PRKDC: variants seen among roughly 807,000 people sequenced by gnomAD.
PRKDC encodes protein kinase, DNA-activated, catalytic subunit, also known as DNA-dependent protein kinase catalytic subunit.
PRKDC carries 82 observed loss-of-function variants against 486.9 expected under a neutral mutation model. That is an observed-to-expected ratio of 0.17 (90% confidence interval 0.14 to 0.20). The LOEUF (loss-of-function observed/expected upper bound fraction) is 0.20, where lower values mean the gene tolerates loss of function less well. PRKDC is among the 10% of genes least tolerant of loss of function. The probability of loss-of-function intolerance (pLI) is 1.00; values close to 1 mark genes in which losing one functional copy is unlikely to be tolerated. For missense variants in PRKDC, 4,504 were observed against 5,038.2 expected, an observed-to-expected ratio of 0.89 and a Z score of 3.21; for synonymous variants, 1,895 against 1,837.0, an observed-to-expected ratio of 1.03 and a Z score of -0.81.
intron 58 of PRKDC, among the ~76,000 whole-genome samples, chr8:47,834,819 T>C (rs1269246667): frequency 1.3e-5 from 2 of 151,018 alleles, no homozygotes; most frequent in African/African-American, 4.9e-5. Flanking sequence ...GCCTCCCGAG[T>C]AGCTGGGACT....
At chr8:47,857,096 G>A in intron 49 of PRKDC, 60 bp downstream of exon 49, 5 of 1,528,256 alleles carry the variant, frequency 3.3e-6, no homozygotes, top group Non-Finnish European at 4.4e-6. Flanking sequence ...ATGTGTCATA[G>A]GCTCTATAGG....
Position 47,776,913 on chromosome 8 carries a change from C to G in PRKDC, c.12113G>C (p.Trp4038Ser). ...GTAACATATTTTCTGTCGGGGGTACCAATTTTTTTCAGCAACATTTATTTC... is the reference window on the plus strand; with the variant it reads ...GTAACATATTTTCTGTCGGGGGTACGAATTTTTTTCAGCAACATTTATTTC... ...IQEINVAEKNWYPRQKICYAK... is the reference protein window; with the variant it reads ...IQEINVAEKNSYPRQKICYAK... Residue 4038 changes from tryptophan (W) to serine (S), a missense_variant, in exon 85 of 86, where the codon TGG (tryptophan) becomes TCG (serine). This residue lies in a region of PRKDC where 706 missense variants were observed against 945.0 expected (regional missense o/e 0.75). Coordinates refer to ENST00000314191, the MANE Select transcript of PRKDC (RefSeq NM_006904.7). The G allele has an allele frequency of 6.2e-7, 1 of 1,613,836 alleles. No homozygotes were observed. The highest frequency in any genetic ancestry group is 2.2e-5 in the East Asian group (1 of 44,874).
intron 28 of PRKDC, among the ~76,000 whole-genome samples, chr8:47,899,414 G>A (rs2089639871): frequency 6.6e-6 from 1 of 152,296 alleles, no homozygotes; most frequent in Middle Eastern, 3.4e-3. Context: ...GGGAGGCTGA[G>A]GCAGGTGGAT....
At chr8:47,830,566 T>G in intron 61 of PRKDC, 39 bp downstream of exon 61, 1 of 1,605,570 alleles carries the variant, frequency 6.2e-7, no homozygotes, top group Non-Finnish European at 8.5e-7. Context: ...GGAAACAGAT[T>G]TTAACCTGTC....
chr8:47,830,701 G>A lies in PRKDC; in HGVS notation c.8301C>T (p.Ala2767=). Residue 2767 remains alanine (A), a synonymous_variant, in exon 61 of 86, where the codon GCC becomes GCT. Transcript: ENST00000314191. The stretch of plus-strand genomic sequence containing the variant: ...GGTAGCTTCTGTACAGAACGACCTG[G>A]GCATCCTGCTTCATTTTTAACTCAC... ...IKSELKMKQD[A]QVVLYRSYRH... is the part of the protein sequence containing the mutation. 1 of 1,613,824 alleles carries A rather than the reference G, an allele frequency of 6.2e-7. No individual in the cohort carries two copies. Among genetic ancestry groups the A allele is most frequent in the Non-Finnish European group, 8.5e-7 (1 of 1,179,884 alleles).
intron 83 of PRKDC, 115 bp from the exon 84 acceptor site, chr8:47,777,989 T>A: frequency 1.0e-6 from 1 of 984,610 alleles, no homozygotes; most frequent in Non-Finnish European, 1.5e-6. Context: ...AAATACAGAC[T>A]CTGCTTCCCT....
intron 31 of PRKDC, 89 bp downstream of exon 31, chr8:47,893,050 A>G: frequency 7.0e-7 from 1 of 1,428,208 alleles, no homozygotes; most frequent in Non-Finnish European, 9.3e-7. Context: ...ACCTACCATC[A>G]TGTCGCTGGG....
Position 47,777,753 on chromosome 8 carries a change from C to T in PRKDC, c.11975G>A (p.Arg3992His). ...SIMVHALRAFRSDPGLLTNTM... is the reference protein window; with the variant it reads ...SIMVHALRAFHSDPGLLTNTM... ...GTTGGTGAGCAGGCCAGGGTCTGAG[C>T]GGAAGGCCCGGAGTGCGTGTACCAT... Residue 3992 changes from arginine to histidine, a missense_variant, in exon 84 of 86, where the codon CGC (arginine) becomes CAC (histidine). Arg to His is a conservative substitution (Grantham distance 29, BLOSUM62 0). Around this residue, in one of 6 missense-constraint regions of PRKDC, gnomAD observed 706 missense variants for 945.0 expected, o/e 0.75. Transcript: ENST00000314191. 5 of 1,613,650 alleles carry T rather than the reference C, an allele frequency of 3.1e-6. No individual in the cohort carries two copies. Among genetic ancestry groups the T allele is most frequent in the Non-Finnish European group, 3.4e-6 (4 of 1,179,670 alleles).
chr8:47,912,328 AT>A, intron 25 of PRKDC, 81 bp downstream of exon 25: 1 of 1,380,250 alleles, frequency 7.2e-7, no homozygotes, highest in Non-Finnish European at 9.5e-7. Context: ...TCTCCAGGTA[AT>A]TCCACTGCTC....
chr8:47,930,233 G>C (rs562211755), intron 17 of PRKDC, among the ~76,000 whole-genome samples: 24 of 152,134 alleles, frequency 1.6e-4, no homozygotes, highest in Non-Finnish European at 2.8e-4. Flanking sequence ...ATATTTTAAA[G>C]ATCTATATAA....
chr8:47,776,619 G>A (rs1158369321), intron 85 of PRKDC, among the ~76,000 whole-genome samples: 1 of 152,218 alleles, frequency 6.6e-6, no homozygotes, highest in Non-Finnish European at 1.5e-5. Context: ...CAGGGACTGA[G>A]TTTAAACCTG....
chr8:47,959,520 T>C (rs952657237), intron 1 of PRKDC, among the ~76,000 whole-genome samples: 1 of 151,310 alleles, frequency 6.6e-6, no homozygotes, highest in Non-Finnish European at 1.5e-5. Context: ...CTACTAAAAA[T>C]ACAAAAAAAT....
Position 47,857,149 on chromosome 8 carries a change from T to G in PRKDC, c.6609+7A>C, listed in dbSNP as rs368228297. The G allele has an allele frequency of 1.2e-5, 19 of 1,612,420 alleles. No homozygotes were observed. Among genetic ancestry groups the G allele is most frequent in the Non-Finnish European group, 1.6e-5 (19 of 1,179,288 alleles). On this transcript the variant is annotated splice_region_variant and intron_variant, in intron 49 of 85. Coordinates refer to ENST00000314191, the MANE Select transcript of PRKDC (RefSeq NM_006904.7). ...TATATTAACATAAAAGATGCATCAATCCTTACTGTTGGAGTGGCCAAGCCT... is the reference window on the plus strand; with the variant it reads ...TATATTAACATAAAAGATGCATCAAGCCTTACTGTTGGAGTGGCCAAGCCT...
chr8:47,881,287 A>T, intron 38 of PRKDC, 129 bp downstream of exon 38: 1 of 620,854 alleles, frequency 1.6e-6, no homozygotes, highest in Non-Finnish European at 2.9e-6. Context: ...ACGGGGGATT[A>T]CTGTGCTAGT....
At chr8:47,860,815 T>C (rs2088660775) in intron 45 of PRKDC, 84 bp downstream of exon 45, 3 of 993,094 alleles carry the variant, frequency 3.0e-6, no homozygotes, top group Non-Finnish European at 4.4e-6. Flanking sequence ...AAAAATACTT[T>C]ACTCCTCTAT....
intron 54 of PRKDC, among the ~76,000 whole-genome samples, chr8:47,841,922 G>A (rs1445878843): frequency 6.6e-6 from 1 of 152,126 alleles, no homozygotes; most frequent in Admixed American, 6.5e-5. Flanking sequence ...ACTGTGTGCT[G>A]GGCAAAAAAC....
chr8:47,918,135 T>C, intron 22 of PRKDC, 142 bp downstream of exon 22: 1 of 512,682 alleles, frequency 2.0e-6, no homozygotes, highest in East Asian at 3.3e-5. Context: ...GCCTGGTCAA[T>C]ATATTAAAAT....
chr8:47,953,777 G>A (rs1403184299), intron 6 of PRKDC, 30 bp downstream of exon 6: 1 of 1,576,542 alleles, frequency 6.3e-7, no homozygotes, highest in East Asian at 2.3e-5. Context: ...CCACATCTAT[G>A]GAAGCAGAAT....
intron 66 of PRKDC, among the ~76,000 whole-genome samples, 178 bp from the exon 67 acceptor site, chr8:47,819,688 T>TA (rs1385706513): frequency 1.3e-5 from 2 of 151,680 alleles, no homozygotes; most frequent in Non-Finnish European, 2.9e-5. Context: ...GTTTAAATTT[T>TA]AAAAAAAAAT....
Sources: allele counts gnomAD v4.1 joint callset (sites outside exome capture counted in the v4.1 genomes callset), GRCh38; gene constraint gnomAD v4.1.1; regional missense constraint gnomAD v4.1.1; transcripts MANE v1.5; gene names NCBI Gene and HGNC (gene_info 2026-07-23, HGNC 2026-07-21).